Variants in MTHFS observed in about 807,000 individuals in gnomAD.
The protein encoded by MTHFS is methenyltetrahydrofolate synthetase, also known as 5-formyltetrahydrofolate cyclo-ligase.
Under a neutral mutation model 12.7 loss-of-function variants are expected in MTHFS, and 7 were observed. That is an observed-to-expected ratio of 0.55 (90% CI 0.31 to 1.03). The LOEUF (loss-of-function observed/expected upper bound fraction) is 1.03, where lower values mean the gene tolerates loss of function less well. Ranked by LOEUF, MTHFS falls within the 50% of genes least tolerant of loss-of-function variation. MTHFS has a pLI of 0.05. For missense variants in MTHFS, 252 were observed against 258.1 expected, an observed-to-expected ratio of 0.98 and a Z score of 0.16; for synonymous variants, 100 against 97.1, an observed-to-expected ratio of 1.03 and a Z score of -0.18.
intron 2 of MTHFS, among the ~76,000 whole-genome samples, chr15:79,866,815 T>C (rs984736013): frequency 1.3e-5 from 2 of 152,004 alleles, no homozygotes; most frequent in African/African-American, 4.8e-5. Flanking sequence ...TAGCTGGGCA[T>C]GGTGGTGGCA....
intron 2 of MTHFS, among the ~76,000 whole-genome samples, chr15:79,847,307 G>A (rs1482750579): frequency 1.3e-5 from 2 of 152,038 alleles, no homozygotes; most frequent in African/African-American, 4.8e-5. Flanking sequence ...CCAGGTACAG[G>A]CATGGAGATT....
At chr15:79,890,732 C>T (rs2034459992) in intron 1 of MTHFS, among the ~76,000 whole-genome samples, 1 of 152,006 alleles carries the variant, frequency 6.6e-6, no homozygotes, top group Non-Finnish European at 1.5e-5. Context: ...AAAGGAAACA[C>T]AGAAATTAAG....
chr15:79,892,613 ACAT>A, intron 1 of MTHFS, among the ~76,000 whole-genome samples: 1 of 152,336 alleles, frequency 6.6e-6, no homozygotes, highest in East Asian at 1.9e-4. Flanking sequence ...GTCTTTTCTT[ACAT>A]ATTCAATCAT....
chr15:79,862,958 G>T (rs1476960125), intron 2 of MTHFS, among the ~76,000 whole-genome samples: 3 of 152,240 alleles, frequency 2.0e-5, no homozygotes, highest in Non-Finnish European at 4.4e-5. Context: ...CTGACCTCCA[G>T]AGCTATATAT....
In MTHFS at chr15:79,893,276, G is replaced by A. The variant is rs192283828; in HGVS notation, c.117+3596C>T. 1.4e-3 allele frequency among the ~76,000 whole-genome samples: 206 copies of A among 151,766 alleles called. 1 individual carries two copies. Among genetic ancestry groups the A allele is most frequent in the Non-Finnish European group, 2.2e-3 (150 of 67,932 alleles). ...AAATTAGTCAGGCGTGGCGGCAGGC[G>A]CCTGTAATCCCAGCTACTTGGGAGG... On this transcript the variant is annotated intron_variant, in intron 1 of 2. Coordinates refer to ENST00000258874, the MANE Select transcript of MTHFS (RefSeq NM_006441.4).
At chr15:79,891,831 G>T (rs908932405) in intron 1 of MTHFS, among the ~76,000 whole-genome samples, 1 of 151,934 alleles carries the variant, frequency 6.6e-6, no homozygotes, top group African/African-American at 2.4e-5. Context: ...AGCCAGGCGT[G>T]GTGGCACATG....
chr15:79,846,995 G>T (rs754856005), intron 2 of MTHFS, among the ~76,000 whole-genome samples: 6 of 152,166 alleles, frequency 3.9e-5, no homozygotes, highest in African/African-American at 4.8e-5. Flanking sequence ...AAATATAACC[G>T]CATGTAATTT....
chr15:79,853,823 A>T (rs1256693159), intron 2 of MTHFS, among the ~76,000 whole-genome samples: 1 of 152,238 alleles, frequency 6.6e-6, no homozygotes, highest in Non-Finnish European at 1.5e-5. Context: ...CCTCTGTTAG[A>T]AATAGCCTTT....
At chr15:79,870,839 A>C (rs1182165148) in intron 2 of MTHFS, among the ~76,000 whole-genome samples, 1 of 152,202 alleles carries the variant, frequency 6.6e-6, no homozygotes, top group Non-Finnish European at 1.5e-5. Context: ...TGTTGACAAA[A>C]GCTAGAAAGA....
intron 2 of MTHFS, among the ~76,000 whole-genome samples, chr15:79,885,290 A>G (rs2034363254): frequency 6.6e-6 from 1 of 152,222 alleles, no homozygotes; most frequent in African/African-American, 2.4e-5. Context: ...TCATTAAGTT[A>G]TGGCTCAGGT....
At position 79,889,465 on chromosome 15, in the gene MTHFS, GA is replaced by G. The variant is rs202204664; in HGVS notation, c.118-112del. 1,412 of 574,382 alleles carry G rather than the reference GA, an allele frequency of 2.5e-3. 15 individuals carry two copies. The highest frequency in any genetic ancestry group is 0.019 in the African/African-American group (945 of 48,962). The allele number at this position is 574,382 out of a possible 1,614,324, so 35.6% of individuals were successfully genotyped here. A position where few individuals can be genotyped will look rare whatever the true frequency, so the allele number is the denominator to read the frequency against. On this transcript the variant is annotated intron_variant, in intron 1 of 2. Coordinates refer to ENST00000258874, the MANE Select transcript of MTHFS (RefSeq NM_006441.4). ...CTCCAATTTCTTTAAATATTAAAAA[GA>G]AAAAAAAAGGGGGGGGGACCAGAGT... is the stretch of plus-strand genomic sequence containing the variant.
chr15:79,895,284 TGAAA>T (rs1478174033), intron 1 of MTHFS, among the ~76,000 whole-genome samples: 1 of 152,216 alleles, frequency 6.6e-6, no homozygotes, highest in Non-Finnish European at 1.5e-5. Context: ...TCCCTTCACC[TGAAA>T]GAATTCATCT....
At chr15:79,896,638 G>A (rs2034574835) in intron 1 of MTHFS, among the ~76,000 whole-genome samples, 1 of 151,894 alleles carries the variant, frequency 6.6e-6, no homozygotes, top group East Asian at 1.9e-4. Flanking sequence ...CCGTCCTCTC[G>A]CTCTTTAGCC....
chr15:79,856,863 G>A (rs561095159), intron 2 of MTHFS, among the ~76,000 whole-genome samples: 284 of 152,160 alleles, frequency 1.9e-3, no homozygotes, highest in Non-Finnish European at 3.3e-3. Flanking sequence ...TCATGTGAGG[G>A]TGTACTCAAG....
chr15:79,891,840 T>C (rs867266118), intron 1 of MTHFS, among the ~76,000 whole-genome samples: 1 of 151,560 alleles, frequency 6.6e-6, no homozygotes, highest in African/African-American at 2.4e-5. Context: ...TGGTGGCACA[T>C]GCCTGTAGTC....
intron 2 of MTHFS, among the ~76,000 whole-genome samples, chr15:79,871,739 T>C (rs961699472): frequency 6.6e-6 from 1 of 152,058 alleles, no homozygotes; most frequent in Non-Finnish European, 1.5e-5. Flanking sequence ...ATGTTTGAAG[T>C]GACAATTTGA....
chr15:79,872,122 A>C (rs1014791441), intron 2 of MTHFS, among the ~76,000 whole-genome samples: 2 of 151,656 alleles, frequency 1.3e-5, no homozygotes, highest in Non-Finnish European at 2.9e-5. Context: ...AAAAAAAAAA[A>C]AAAAAATTTA....
chr15:79,895,176 G>T (rs2034547120), intron 1 of MTHFS, among the ~76,000 whole-genome samples: 1 of 152,198 alleles, frequency 6.6e-6, no homozygotes, highest in Admixed American at 6.5e-5. Context: ...AATGGCGCCA[G>T]ATTCAGCCCA....
intron 2 of MTHFS, chr15:79,877,306 T>A (rs896803916): frequency 1.3e-5 from 2 of 151,618 alleles, no homozygotes; most frequent in African/African-American, 2.4e-5. Flanking sequence ...AGGAAAAAAA[T>A]TTTTTTTGAA....
Sources: gnomAD v4.1 joint callset for allele counts (sites outside exome capture counted in the v4.1 genomes callset) on GRCh38, gnomAD v4.1.1 for gene constraint, MANE v1.5 for transcripts, NCBI Gene and HGNC (gene_info 2026-07-23, HGNC 2026-07-21) for gene names.